The following ZNF474 variants were observed in gnomAD, a reference collection of about 807,000 sequenced individuals.
ZNF474 encodes the protein 4933409D10Rik.
For synonymous variants in ZNF474, 192 were observed against 162.2 expected, an observed-to-expected ratio of 1.18 and a Z score of -1.39; for missense variants, 511 against 433.8, an observed-to-expected ratio of 1.18 and a Z score of -1.58.
chr5:122,140,414 G>A (rs1755808865), intron 1 of ZNF474, among the ~76,000 whole-genome samples: 1 of 152,124 alleles, frequency 6.6e-6, no homozygotes, highest in Admixed American at 6.6e-5. Flanking sequence ...CTGGGCAAGT[G>A]TACAAGGGAT....
chr5:122,136,104 G>C (rs1056580955), intron 1 of ZNF474, among the ~76,000 whole-genome samples: 3 of 152,052 alleles, frequency 2.0e-5, no homozygotes, highest in Non-Finnish European at 4.4e-5. Flanking sequence ...TTAAAAATAA[G>C]CTACTGTAAG....
At chr5:122,133,304 G>C (rs1755621954) in intron 1 of ZNF474, among the ~76,000 whole-genome samples, 1 of 152,096 alleles carries the variant, frequency 6.6e-6, no homozygotes. Context: ...TATAACATCA[G>C]CTCTGTTTCC....
At chr5:122,130,130 T>A (rs2560311) in intron 1 of ZNF474, among the ~76,000 whole-genome samples, 1 of 152,016 alleles carries the variant, frequency 6.6e-6, no homozygotes, top group Non-Finnish European at 1.5e-5. Context: ...AAAAGGGGTA[T>A]TAAAGGCTAT....
intron 1 of ZNF474, among the ~76,000 whole-genome samples, chr5:122,135,766 T>C (rs1755684456): frequency 6.6e-6 from 1 of 152,020 alleles, no homozygotes; most frequent in African/African-American, 2.4e-5. Context: ...GATCAATGGA[T>C]AAAGAAAATG....
chr5:122,135,040 C>T (rs1755668441), intron 1 of ZNF474, among the ~76,000 whole-genome samples: 1 of 152,132 alleles, frequency 6.6e-6, no homozygotes, highest in Admixed American at 6.5e-5. Flanking sequence ...GCAAAGAAAA[C>T]AATCAACAAA....
At chr5:122,142,346 T>C (rs920411303) in intron 1 of ZNF474, among the ~76,000 whole-genome samples, 4 of 152,222 alleles carry the variant, frequency 2.6e-5, no homozygotes, top group African/African-American at 9.6e-5. Context: ...ATATTTCCAA[T>C]CTTATGTGTG....
intron 1 of ZNF474, among the ~76,000 whole-genome samples, chr5:122,135,604 A>G (rs1251334821): frequency 6.6e-6 from 1 of 152,230 alleles, no homozygotes; most frequent in Non-Finnish European, 1.5e-5. Flanking sequence ...AACTAAGAGT[A>G]GAACTACAAT....
At position 122,152,642 on chromosome 5, in the gene ZNF474, C is replaced by A; in HGVS notation, c.652C>A (p.Arg218=). 1 of 1,614,186 alleles carries A rather than the reference C, an allele frequency of 6.2e-7. No homozygotes were observed. The highest frequency in any genetic ancestry group is 8.5e-7 in the Non-Finnish European group (1 of 1,180,034). ...GAAAGCTTGTAGTGGAACCCCAGCCCGACCAAGGACTGTTATCTGCTACAT... is the reference window on the plus strand; with the variant it reads ...GAAAGCTTGTAGTGGAACCCCAGCCAGACCAAGGACTGTTATCTGCTACAT... ...LKKACSGTPA[R]PRTVICYICG... Residue 218 remains arginine, a synonymous_variant, in exon 2 of 2, where the codon CGA becomes AGA. Transcript: ENST00000296600.
chr5:122,145,866 C>T (rs575279709), intron 1 of ZNF474, among the ~76,000 whole-genome samples: 139 of 152,158 alleles, frequency 9.1e-4, no homozygotes, highest in Non-Finnish European at 1.6e-3. Context: ...TTGTTACATC[C>T]GTTTGAATTA....
At position 122,152,969 on chromosome 5, in the gene ZNF474, A is replaced by C; in HGVS notation, c.979A>C (p.Lys327Gln). 6.2e-7 allele frequency: 1 copy of C among 1,614,078 alleles called. No individual in the cohort carries two copies. The part of the protein sequence containing the change: ...NLNLGSKGGL[K>Q]EYTNSKQQRN... ...GAATTTAGGGAGTAAAGGAGGCCTAAAAGAGTACACTAATTCCAAGCAGCA... is the reference window on the plus strand; with the variant it reads ...GAATTTAGGGAGTAAAGGAGGCCTACAAGAGTACACTAATTCCAAGCAGCA... Residue 327 changes from lysine to glutamine, a missense_variant, in exon 2 of 2, where the codon AAA (lysine) becomes CAA (glutamine). Coordinates refer to ENST00000296600, the MANE Select transcript of ZNF474 (RefSeq NM_207317.3).
intron 1 of ZNF474, among the ~76,000 whole-genome samples, chr5:122,133,425 A>G (rs1377977318): frequency 1.3e-5 from 2 of 152,244 alleles, no homozygotes; most frequent in Admixed American, 6.5e-5. Flanking sequence ...AATTATAAAC[A>G]TTCAAATGTT....
intron 1 of ZNF474, among the ~76,000 whole-genome samples, chr5:122,144,674 C>T (rs1755940489): frequency 1.3e-5 from 2 of 152,200 alleles, no homozygotes; most frequent in Admixed American, 6.5e-5. Flanking sequence ...TAGAGCTATC[C>T]TGTTGGAAGA....
intron 1 of ZNF474, among the ~76,000 whole-genome samples, chr5:122,134,789 G>T (rs1293149063): frequency 6.6e-6 from 1 of 152,118 alleles, no homozygotes; most frequent in Admixed American, 6.5e-5. Flanking sequence ...GAGATGACTA[G>T]ATAATTATAT....
chr5:122,132,868 A>T (rs1010459122), intron 1 of ZNF474, among the ~76,000 whole-genome samples: 1 of 152,202 alleles, frequency 6.6e-6, no homozygotes, highest in Non-Finnish European at 1.5e-5. Flanking sequence ...TTATTGGCAT[A>T]TTAATTTTAA....
intron 1 of ZNF474, among the ~76,000 whole-genome samples, chr5:122,133,121 A>G (rs1461826041): frequency 6.6e-6 from 1 of 152,202 alleles, no homozygotes; most frequent in Non-Finnish European, 1.5e-5. Flanking sequence ...CCAGTGAAAA[A>G]AATAAGTATT....
chr5:122,138,734 C>T (rs947027904), intron 1 of ZNF474, among the ~76,000 whole-genome samples: 23 of 152,026 alleles, frequency 1.5e-4, no homozygotes, highest in Admixed American at 5.9e-4. Flanking sequence ...CCCCTTGACC[C>T]GGAAGAAATA....
intron 1 of ZNF474, among the ~76,000 whole-genome samples, chr5:122,133,370 T>C (rs1012840265): frequency 2.0e-4 from 30 of 152,196 alleles, no homozygotes; most frequent in African/African-American, 6.8e-4. Flanking sequence ...TGGTCAAATA[T>C]GCATCAGAAT....
At chr5:122,151,729 G>T (rs1756181701) in intron 1 of ZNF474, 50 bp from the exon 2 acceptor site, 1 of 371,672 alleles carries the variant, frequency 2.7e-6, no homozygotes, top group East Asian at 5.3e-5. Context: ...GTGTGTGTGT[G>T]TGTGTGTGTT....
chr5:122,150,439 C>T (rs1363998453), intron 1 of ZNF474, among the ~76,000 whole-genome samples: 2 of 152,212 alleles, frequency 1.3e-5, no homozygotes, highest in African/African-American at 2.4e-5. Flanking sequence ...GATATCACAG[C>T]TCTTCTTGTT....
Sources: allele counts gnomAD v4.1 joint callset (sites outside exome capture counted in the v4.1 genomes callset), GRCh38; gene constraint gnomAD v4.1.1; transcripts MANE v1.5; gene names NCBI Gene and HGNC (gene_info 2026-07-23, HGNC 2026-07-21).